The following DHX9 variants were observed in gnomAD, a reference collection of about 807,000 sequenced individuals.
DHX9 encodes the protein DExH-box helicase 9, also known as ATP-dependent RNA helicase A.
Under a neutral mutation model 148.7 loss-of-function variants are expected in DHX9, and 27 were observed. That is an observed-to-expected ratio of 0.18 (90% confidence interval 0.13 to 0.25). DHX9 has a LOEUF of 0.25. Among genes scored for constraint, DHX9 ranks in the 10% least tolerant of loss-of-function variants. The pLI is 1.00. For missense variants in DHX9, 796 were observed against 1,559.6 expected (o/e 0.51, Z 8.25); for synonymous variants, 529 against 516.6 (o/e 1.02, Z -0.33).
At position 182,884,751 on chromosome 1, in the gene DHX9, C is replaced by T. The variant is rs201336463; in HGVS notation, c.3399C>T (p.Asn1133=). 33 of 1,614,132 alleles carry T rather than the reference C, an allele frequency of 2.0e-5. No homozygotes were observed. The highest frequency in any genetic ancestry group is 2.3e-5 in the Non-Finnish European group (27 of 1,180,036). The stretch of plus-strand genomic sequence containing the variant: ...ACCCCGTAAATGAACGTATGCTGAA[C>T]ATGATCCGTCAGATCTCTAGACCCT... The part of the protein sequence containing the change: ...QLDPVNERML[N]MIRQISRPSA... The change falls in exon 27 of 28, where the codon AAC becomes AAT. Residue 1133 remains asparagine (N), a synonymous_variant. Coordinates refer to ENST00000367549, the MANE Select transcript of DHX9 (RefSeq NM_001357.5).
chr1:182,840,339 C>T (rs1374702600), intron 1 of DHX9, among the ~76,000 whole-genome samples: 1 of 128,980 alleles, frequency 7.8e-6, no homozygotes, highest in Admixed American at 9.1e-5. Flanking sequence ...CTCGCTCTGT[C>T]GCCAGACTGG....
chr1:182,887,634 T>G lies in DHX9; in HGVS notation c.*200T>G, dbSNP rs1649396688. ...TTATATTATGTAAAATATAACGATCTCTTAAAAATACCACAGTTTGTATTT... is the reference window on the plus strand; with the variant it reads ...TTATATTATGTAAAATATAACGATCGCTTAAAAATACCACAGTTTGTATTT... On this transcript the variant is annotated 3_prime_UTR_variant, in exon 28 of 28. Coordinates refer to ENST00000367549, the MANE Select transcript of DHX9 (RefSeq NM_001357.5). The G allele has an allele frequency of 1.9e-6, 1 of 523,334 alleles. No homozygotes were observed. The allele number at this position is 523,334 out of a possible 1,614,324, so 32.4% of individuals were successfully genotyped here.
chr1:182,858,557 C>G lies in DHX9; in HGVS notation c.817C>G (p.Pro273Ala), dbSNP rs1668296481. Reference protein sequence around the residue: ...TKKKEGETVEPYKVNLSQDLE... With the variant: ...TKKKEGETVEAYKVNLSQDLE... ...TGTGATCCTTTTTCCATAGGTGGAG[C>G]CTTACAAAGTAAACCTCTCTCAAGA... Residue 273 changes from proline to alanine, a missense_variant, in exon 9 of 28, where the codon CCT (proline) becomes GCT (alanine). Coordinates refer to ENST00000367549, the MANE Select transcript of DHX9 (RefSeq NM_001357.5). The G allele has an allele frequency of 1.9e-6, 3 of 1,608,210 alleles. No individual in the cohort carries two copies. The highest frequency in any genetic ancestry group is 1.3e-5 in the African/African-American group (1 of 74,666).
intron 1 of DHX9, chr1:182,839,904 A>G (rs917950098): frequency 6.6e-6 from 1 of 152,360 alleles, no homozygotes; most frequent in Non-Finnish European, 1.5e-5. Flanking sequence ...TGAAGAATGT[A>G]AAGGGAGAGC....
chr1:182,845,193 C>T (rs1668005996), intron 3 of DHX9, among the ~76,000 whole-genome samples: 1 of 152,176 alleles, frequency 6.6e-6, no homozygotes, highest in Non-Finnish European at 1.5e-5. Flanking sequence ...GCAAGATCAT[C>T]TTAAAAATGC....
chr1:182,856,527 T>C lies in DHX9; in HGVS notation c.627-5T>C. The C allele has an allele frequency of 2.5e-6, 4 of 1,613,784 alleles. No homozygotes were observed. The highest frequency in any genetic ancestry group is 2.5e-6 in the Non-Finnish European group (3 of 1,179,764). On this transcript the variant is annotated splice_region_variant and splice_polypyrimidine_tract_variant and intron_variant, in intron 6 of 27. Transcript: ENST00000367549. ...TTCTAACCTTGCTTGTATATGTTGTTACAGGAGCTTTATTGCAGAAATGAC... is the reference window on the plus strand; with the variant it reads ...TTCTAACCTTGCTTGTATATGTTGTCACAGGAGCTTTATTGCAGAAATGAC...
chr1:182,866,105 A>G (rs1191707430), intron 12 of DHX9, among the ~76,000 whole-genome samples: 2 of 152,340 alleles, frequency 1.3e-5, no homozygotes, highest in East Asian at 1.9e-4. Flanking sequence ...CATAGGTCTC[A>G]GTTAAATAAT....
chr1:182,881,204 T>G, intron 22 of DHX9, 60 bp from the exon 23 acceptor site: 209 of 1,547,510 alleles, frequency 1.4e-4, no homozygotes, highest in Non-Finnish European at 1.7e-4. Flanking sequence ...CAGTCCTACC[T>G]GAGCTGCTGG....
At chr1:182,865,516 TAA>T (rs1312693930) in intron 12 of DHX9, among the ~76,000 whole-genome samples, 6 of 152,222 alleles carry the variant, frequency 3.9e-5, no homozygotes, top group Non-Finnish European at 5.9e-5. Flanking sequence ...ATAAGATTAT[TAA>T]AAGGATTGTT....
chr1:182,875,248 G>C (rs773931390), intron 16 of DHX9: 5 of 463,086 alleles, frequency 1.1e-5, no homozygotes, highest in Non-Finnish European at 2.1e-5. Flanking sequence ...GTTGTATAAG[G>C]TTTTGCTACT....
At chr1:182,845,698 C>A (rs1383322797) in intron 3 of DHX9, among the ~76,000 whole-genome samples, 2 of 152,222 alleles carry the variant, frequency 1.3e-5, no homozygotes, top group East Asian at 1.9e-4. Flanking sequence ...TCTAGAACTT[C>A]TGACTGACTA....
At chr1:182,867,125 TCCC>T in intron 14 of DHX9, 82 bp downstream of exon 14, 1 of 846,370 alleles carries the variant, frequency 1.2e-6, no homozygotes, top group Non-Finnish European at 1.7e-6. Context: ...GTTTTCCCTT[TCCC>T]CCGTTTTTAT....
rs73063097 is a variant in DHX9 at position 182,858,747 on chromosome 1, T to G, written c.915T>G (p.Ser305=). 0.011 allele frequency: 18,490 copies of G among 1,614,134 alleles called. 163 individuals carry two copies. The highest frequency in any genetic ancestry group is 0.024 in the Middle Eastern group (143 of 6,062). ...TTTTTTAATAGCCTGAAGATCCTTC[T>G]GTGCCAGTTGCACTCAACATTGGCA... ...LEILPPPEDP[S]VPVALNIGKL... is the part of the protein sequence containing the mutation. Residue 305 remains serine (S), a synonymous_variant, in exon 10 of 28, where the codon TCT becomes TCG. Coordinates refer to ENST00000367549, the MANE Select transcript of DHX9 (RefSeq NM_001357.5).
intron 1 of DHX9, among the ~76,000 whole-genome samples, chr1:182,841,637 C>A (rs1049739028): frequency 1.3e-5 from 2 of 152,248 alleles, no homozygotes; most frequent in Non-Finnish European, 2.9e-5. Flanking sequence ...TAACAAAATG[C>A]ATCAAACGTG....
intron 1 of DHX9, among the ~76,000 whole-genome samples, chr1:182,842,181 T>C (rs935957487): frequency 2.0e-5 from 3 of 152,220 alleles, no homozygotes; most frequent in Non-Finnish European, 4.4e-5. Context: ...GTGCCATTGT[T>C]GTGAGGATGA....
chr1:182,873,320 GA>G (rs914063478), intron 15 of DHX9, among the ~76,000 whole-genome samples: 18 of 151,652 alleles, frequency 1.2e-4, no homozygotes, highest in African/African-American at 3.9e-4. Flanking sequence ...AGCTGTGGGG[GA>G]AAAAAAAGAA....
At chr1:182,874,799 T>A in intron 15 of DHX9, 55 bp from the exon 16 acceptor site, 1 of 1,311,986 alleles carries the variant, frequency 7.6e-7, no homozygotes, top group Non-Finnish European at 1.1e-6. Context: ...TGAATTTAGG[T>A]CTGCTCCATT....
chr1:182,851,589 C>G (rs762854363), intron 3 of DHX9, among the ~76,000 whole-genome samples: 6 of 152,088 alleles, frequency 3.9e-5, no homozygotes, highest in Non-Finnish European at 7.4e-5. Flanking sequence ...TAGTTCATCC[C>G]ATCTAGTTAA....
intron 14 of DHX9, among the ~76,000 whole-genome samples, chr1:182,871,809 A>G (rs1417346394): frequency 6.6e-6 from 1 of 152,212 alleles, no homozygotes; most frequent in Non-Finnish European, 1.5e-5. Flanking sequence ...ATTTAAAAAT[A>G]TAGTCGGCCG....
Sources: gnomAD v4.1 joint callset for allele counts (sites outside exome capture counted in the v4.1 genomes callset) on GRCh38, gnomAD v4.1.1 for gene constraint, MANE v1.5 for transcripts, NCBI Gene and HGNC (gene_info 2026-07-23, HGNC 2026-07-21) for gene names.